Variants in MTREX observed in about 807,000 individuals in gnomAD.
The protein encoded by MTREX is exosome RNA helicase MTR4.
In MTREX, 76 loss-of-function variants were observed where a neutral mutation model predicts 135.4. The ratio of observed to expected loss-of-function variants is 0.56; its 90% CI spans 0.47 to 0.68. The LOEUF (loss-of-function observed/expected upper bound fraction) is 0.68, where lower values mean the gene tolerates loss of function less well. Among genes scored for constraint, MTREX ranks in the 30% least tolerant of loss-of-function variants. The pLI, the probability that MTREX is intolerant of heterozygous loss-of-function variation, is 0.00. For missense variants in MTREX, 920 were observed against 1,262.1 expected, an observed-to-expected ratio of 0.73 and a Z score of 4.11; for synonymous variants, 404 against 401.6, an observed-to-expected ratio of 1.01 and a Z score of -0.07.
At chr5:55,405,685 C>G in intron 22 of MTREX, 97 bp downstream of exon 22, 3 of 1,078,512 alleles carry the variant, frequency 2.8e-6, no homozygotes, top group Admixed American at 4.5e-5. Context: ...CACTGTTGCC[C>G]AGGCTGGAGT....
intron 1 of MTREX, among the ~76,000 whole-genome samples, chr5:55,320,219 CTTT>C (rs375766049): frequency 6.6e-5 from 9 of 136,660 alleles, no homozygotes; most frequent in Admixed American, 7.3e-5. Context: ...ATTAAAAAGT[CTTT>C]TTTTTTTTTT....
intron 19 of MTREX, among the ~76,000 whole-genome samples, chr5:55,394,958 A>G (rs572464435): frequency 2.3e-4 from 35 of 151,532 alleles, no homozygotes; most frequent in South Asian, 2.1e-4. Context: ...ACTTGAACCC[A>G]GGAGGCGGAG....
chr5:55,379,000 C>G, intron 17 of MTREX, 127 bp from the exon 18 acceptor site: 1 of 631,062 alleles, frequency 1.6e-6, no homozygotes, highest in Non-Finnish European at 2.7e-6. Context: ...TTTAGCAGTG[C>G]TCTTTCAAAG....
chr5:55,382,116 A>G (rs1021346350), intron 18 of MTREX, among the ~76,000 whole-genome samples: 3 of 151,838 alleles, frequency 2.0e-5, no homozygotes, highest in Non-Finnish European at 2.9e-5. Context: ...CTGAAAATCT[A>G]TTCCTTTTTT....
At position 55,366,744 on chromosome 5, in the gene MTREX, A is replaced by G; in HGVS notation, c.1679A>G (p.Asn560Ser). Residue 560 changes from asparagine (N) to serine (S), a missense_variant, in exon 16 of 27, where the codon AAT (asparagine) becomes AGT (serine). Physicochemically the swap from Asn to Ser is conservative, Grantham distance 46 (BLOSUM62 1). Transcript: ENST00000230640. Reference sequence around the variant, plus strand: ...TCTTAGGGCTCCGCTGATCCTCTAAATAGTGCTTTCCATTTGACCTACAAC... The same window carrying G: ...TCTTAGGGCTCCGCTGATCCTCTAAGTAGTGCTTTCCATTTGACCTACAAC... ...QLLKGSADPL[N>S]SAFHLTYNMV... 1 of 1,603,902 alleles carries G rather than the reference A, an allele frequency of 6.2e-7. No homozygotes were observed. Among genetic ancestry groups the G allele is most frequent in the Non-Finnish European group, 8.5e-7 (1 of 1,175,184 alleles).
intron 11 of MTREX, among the ~76,000 whole-genome samples, chr5:55,348,764 G>A (rs1749778560): frequency 6.6e-6 from 1 of 152,128 alleles, no homozygotes; most frequent in Admixed American, 6.5e-5. Context: ...ACTTAAAGTT[G>A]CAGGGTTGCA....
Position 55,327,735 on chromosome 5 carries a change from A to G in MTREX, c.359A>G (p.Glu120Gly), listed in dbSNP as rs768522744. The G allele has an allele frequency of 6.2e-7, 1 of 1,613,392 alleles. No individual in the cohort carries two copies. The change falls in exon 4 of 27, where the codon GAG (glutamate) becomes GGG (glycine). Residue 120 changes from glutamate to glycine, a missense_variant. Physicochemically the swap from Glu to Gly is moderately conservative, Grantham distance 98 (BLOSUM62 -2). Transcript: ENST00000230640. The stretch of plus-strand genomic sequence containing the variant: ...TGTCAGGTTGCACTTCCTGCAGAAG[A>G]GGATTATTTACCACTTAAACCACGA... Reference protein sequence around the residue: ...CTHEVALPAEEDYLPLKPRVG... With the variant: ...CTHEVALPAEGDYLPLKPRVG...
intron 18 of MTREX, among the ~76,000 whole-genome samples, chr5:55,380,943 T>C (rs974675982): frequency 1.3e-5 from 2 of 152,236 alleles, no homozygotes; most frequent in Admixed American, 1.3e-4. Flanking sequence ...TTGGTAGAAC[T>C]TGGCAATGAG....
intron 22 of MTREX, among the ~76,000 whole-genome samples, chr5:55,406,340 A>T (rs1340016513): frequency 6.6e-6 from 1 of 152,164 alleles, no homozygotes. Context: ...GGGGAATGTT[A>T]GGACCTCTCT....
intron 5 of MTREX, among the ~76,000 whole-genome samples, chr5:55,329,908 A>G (rs1023967559): frequency 6.6e-6 from 1 of 151,864 alleles, no homozygotes; most frequent in Non-Finnish European, 1.5e-5. Context: ...CTCTTGTTCC[A>G]GGACTCTTTT....
chr5:55,375,535 C>A (rs1750282755), intron 16 of MTREX, among the ~76,000 whole-genome samples: 1 of 152,182 alleles, frequency 6.6e-6, no homozygotes, highest in African/African-American at 2.4e-5. Flanking sequence ...ATTCCCTGAA[C>A]AATTGCTCTT....
Position 55,425,156 on chromosome 5 carries a change from C to A in MTREX, c.*384C>A. 9 of 1,580,648 alleles carry A rather than the reference C, an allele frequency of 5.7e-6. No individual in the cohort carries two copies. Among genetic ancestry groups the A allele is most frequent in the Non-Finnish European group, 7.7e-6 (9 of 1,166,214 alleles). On this transcript the variant is annotated 3_prime_UTR_variant, in exon 27 of 27. Coordinates refer to ENST00000230640, the MANE Select transcript of MTREX (RefSeq NM_015360.5). ...ATGCATCCTCTTGCCTTGTGGCAAT[C>A]ATTTTCCTTTAGAAAACAGGCCAGC...
At chr5:55,354,916 C>T (rs1749885947) in intron 14 of MTREX, among the ~76,000 whole-genome samples, 1 of 152,218 alleles carries the variant, frequency 6.6e-6, no homozygotes, top group South Asian at 2.1e-4. Flanking sequence ...CCCACAGGGA[C>T]TCCCTCTAGC....
chr5:55,315,923 A>G lies in MTREX; in HGVS notation c.135-6404A>G, dbSNP rs143933540. On this transcript the variant is annotated intron_variant, in intron 1 of 26. Coordinates refer to ENST00000230640, the MANE Select transcript of MTREX (RefSeq NM_015360.5). ...TTGTTTTATACCCCGGCAGAAATCA[A>G]ATAAACACAGTTAGAAGTTACAACG... is the stretch of plus-strand genomic sequence containing the variant. Among the ~76,000 whole-genome samples, 200 of 152,190 alleles carry G rather than the reference A, an allele frequency of 1.3e-3. 2 individuals carry two copies. The Middle Eastern group carries it at 0.024, about 18-fold the overall frequency.
At chr5:55,408,556 A>T (rs1393257080) in intron 22 of MTREX, among the ~76,000 whole-genome samples, 1 of 152,222 alleles carries the variant, frequency 6.6e-6, no homozygotes, top group Non-Finnish European at 1.5e-5. Context: ...ATAATAGTTC[A>T]TGGCTTTATT....
chr5:55,398,231 A>C (rs230796), intron 20 of MTREX, among the ~76,000 whole-genome samples: 120,776 of 146,770 alleles, frequency 0.82, 49,286 homozygotes, highest in Middle Eastern at 0.9. Context: ...CAGAGTGAGA[A>C]CTTGTCTCTT....
At position 55,379,213 on chromosome 5, in the gene MTREX, A is replaced by C. The variant is rs748412589; in HGVS notation, c.2052+18A>C. 8 of 1,435,886 alleles carry C rather than the reference A, an allele frequency of 5.6e-6. No homozygotes were observed. Among genetic ancestry groups the C allele is most frequent in the Non-Finnish European group, 7.8e-6 (8 of 1,024,262 alleles). The allele number at this position is 1,435,886 out of a possible 1,614,324, so 88.9% of individuals were successfully genotyped here. A position where few individuals can be genotyped will look rare whatever the true frequency, so the allele number is the denominator to read the frequency against. On this transcript the variant is annotated intron_variant, in intron 18 of 26. Coordinates refer to ENST00000230640, the MANE Select transcript of MTREX (RefSeq NM_015360.5). ...ATGTTAAGGTAAACTATTATCTTTA[A>C]ATTAGAATTGTATATCAATTTTTAG...
intron 18 of MTREX, among the ~76,000 whole-genome samples, chr5:55,386,897 A>G (rs1269461329): frequency 6.6e-6 from 1 of 152,078 alleles, no homozygotes; most frequent in Non-Finnish European, 1.5e-5. Context: ...GAGTCTTCTT[A>G]TAATCATTGA....
intron 16 of MTREX, among the ~76,000 whole-genome samples, chr5:55,374,135 G>A (rs1750253932): frequency 6.6e-6 from 1 of 151,826 alleles, no homozygotes; most frequent in Non-Finnish European, 1.5e-5. Context: ...GCGCACACCT[G>A]TAATTCCAGT....
Sources: gnomAD v4.1 joint callset for allele counts (sites outside exome capture counted in the v4.1 genomes callset) on GRCh38, gnomAD v4.1.1 for gene constraint, MANE v1.5 for transcripts, NCBI Gene and HGNC (gene_info 2026-07-23, HGNC 2026-07-21) for gene names.